Variants in ST3GAL4 observed in about 807,000 individuals in gnomAD.
ST3GAL4 encodes the protein CMP-N-acetylneuraminate-beta-galactosamide-alpha-2,3-sialyltransferase 4.
A neutral mutation model predicts 42.6 loss-of-function variants in ST3GAL4; 24 were observed. The ratio of observed to expected loss-of-function variants is 0.56; its 90% CI spans 0.41 to 0.79. The LOEUF (loss-of-function observed/expected upper bound fraction) is 0.79, where lower values mean the gene tolerates loss of function less well. Ranked by LOEUF, ST3GAL4 falls within the 30% of genes least tolerant of loss-of-function variation. The probability of loss-of-function intolerance (pLI) is 0.00; values close to 1 mark genes in which losing one functional copy is unlikely to be tolerated. For synonymous variants in ST3GAL4, 135 were observed against 163.2 expected, an observed-to-expected ratio of 0.83 and a Z score of 1.32; for missense variants, 311 against 430.8, an observed-to-expected ratio of 0.72 and a Z score of 2.46.
At position 126,408,709 on chromosome 11, in the gene ST3GAL4, G is replaced by A. The variant is rs1284705465; in HGVS notation, c.627+213G>A. The A allele has an allele frequency of 1.8e-5, 11 of 599,208 alleles. 1 individual carries two copies. The highest frequency in any genetic ancestry group is 4.4e-4 in the Middle Eastern group (1 of 2,270). 37.1% of individuals were successfully genotyped at this position (599,208 alleles called of 1,614,324 possible). A position where few individuals can be genotyped will look rare whatever the true frequency, so the allele number is the denominator to read the frequency against. ...CAACTGGGTATAAAAGCCTGCAGGC[G>A]TCAGGTGGCAGCAGCCACAGGCACC... On this transcript the variant is annotated intron_variant, in intron 8 of 10. Coordinates refer to ENST00000444328, the MANE Select transcript of ST3GAL4 (RefSeq NM_001254757.2).
intron 1 of ST3GAL4, chr11:126,358,538 C>T (rs1169559385): frequency 2.2e-6 from 1 of 449,192 alleles, no homozygotes; most frequent in East Asian, 7.1e-5. Flanking sequence ...CTTTATTCTA[C>T]AGACTGAGGA....
In ST3GAL4 at chr11:126,414,155, C is replaced by A. The variant is rs560661333; in HGVS notation, c.*108C>A. 2 of 1,086,456 alleles carry A rather than the reference C, an allele frequency of 1.8e-6. No homozygotes were observed. The highest frequency in any genetic ancestry group is 3.7e-5 in the Admixed American group (2 of 54,568). 67.3% of individuals were successfully genotyped at this position (1,086,456 alleles called of 1,614,324 possible). ...CAGTATGACCCACTTGGACTCACCCCCTCTTGGGGAGGGAGTTCTGGGCCT... is the reference window on the plus strand; with the variant it reads ...CAGTATGACCCACTTGGACTCACCCACTCTTGGGGAGGGAGTTCTGGGCCT... On this transcript the variant is annotated 3_prime_UTR_variant, in exon 11 of 11. Coordinates refer to ENST00000444328, the MANE Select transcript of ST3GAL4 (RefSeq NM_001254757.2).
rs1954412443 is a variant in ST3GAL4, at chr11:126,409,298, C to A, written c.658C>A (p.Leu220Ile). The change falls in exon 9 of 11, where the codon CTC (leucine) becomes ATC (isoleucine). Residue 220 changes from leucine (L) to isoleucine (I), a missense_variant. Physicochemically the swap from Leu to Ile is conservative, Grantham distance 5. Coordinates refer to ENST00000444328, the MANE Select transcript of ST3GAL4 (RefSeq NM_001254757.2). The surrounding 1 kb of genome is among the most constrained non-coding windows in gnomAD (Gnocchi z 4.9). ...AAAGGGTTTCTGGAAACAGCCTCCC[C>A]TCATCTGGGATGTCAATCCTAAACA... ...VRKGFWKQPP[L>I]IWDVNPKQIR... is the part of the protein sequence containing the mutation. 2 of 1,614,138 alleles carry A rather than the reference C, an allele frequency of 1.2e-6. No individual in the cohort carries two copies. The highest frequency in any genetic ancestry group is 1.7e-5 in the Admixed American group (1 of 60,008).
At chr11:126,377,396 C>T (rs1279128510) in intron 1 of ST3GAL4, among the ~76,000 whole-genome samples, 2 of 151,734 alleles carry the variant, frequency 1.3e-5, no homozygotes, top group African/African-American at 2.4e-5. Flanking sequence ...GTCTTGAACT[C>T]CTGACCTCAG....
At chr11:126,364,052 G>A (rs1195685735) in intron 1 of ST3GAL4, among the ~76,000 whole-genome samples, 2 of 152,260 alleles carry the variant, frequency 1.3e-5, no homozygotes, top group Admixed American at 1.3e-4. Flanking sequence ...CGGCCCTGGG[G>A]CAAGTGTTTG....
At chr11:126,408,061 G>A in intron 6 of ST3GAL4, 38 bp from the exon 7 acceptor site, 1 of 1,605,588 alleles carries the variant, frequency 6.2e-7, no homozygotes, top group Non-Finnish European at 8.5e-7. Flanking sequence ...CTGGGTTAGA[G>A]TGTGGGGTGA....
In ST3GAL4 at chr11:126,400,707, G is replaced by A. The variant is rs1395700956; in HGVS notation, c.-60-5389G>A. Among the ~76,000 whole-genome samples the A allele has an allele frequency of 6.6e-6, 1 of 152,186 alleles. No homozygotes were observed. Among genetic ancestry groups the A allele is most frequent in the South Asian group, 2.1e-4 (1 of 4,834 alleles). ...TGGCAGTTTCGAAGAAGGGGCATGA[G>A]TGAGGAAACAGTTGTGGTGAAGAGA... is the stretch of plus-strand genomic sequence containing the variant. On this transcript the variant is annotated intron_variant, in intron 1 of 10. Transcript: ENST00000444328. The surrounding 1 kb of genome is among the most constrained non-coding windows in gnomAD (Gnocchi z 4.6).
rs960773991 is a variant in ST3GAL4 at position 126,386,071 on chromosome 11, C to T, written c.-60-20025C>T. On this transcript the variant is annotated intron_variant, in intron 1 of 10. Coordinates refer to ENST00000444328, the MANE Select transcript of ST3GAL4 (RefSeq NM_001254757.2). This position sits in a 1 kb window ranked among gnomAD's most constrained non-coding sequence, Gnocchi z 4.7. Reference sequence around the variant, plus strand: ...AGCTCAGAGTCTTGGGCACTTCTCTCAGTCTGGAACCTTCTCTTGCCTACC... The same window carrying T: ...AGCTCAGAGTCTTGGGCACTTCTCTTAGTCTGGAACCTTCTCTTGCCTACC... Among the ~76,000 whole-genome samples the T allele has an allele frequency of 1.3e-5, 2 of 152,174 alleles. No homozygotes were observed. The highest frequency in any genetic ancestry group is 4.8e-5 in the African/African-American group (2 of 41,434).
At chr11:126,387,493 C>T (rs768009151) in intron 1 of ST3GAL4, among the ~76,000 whole-genome samples, 9 of 151,972 alleles carry the variant, frequency 5.9e-5, no homozygotes, top group East Asian at 1.9e-4. Context: ...GCCTGTTCAA[C>T]GTGGTGAGAC....
chr11:126,364,099 C>T (rs1240850316), intron 1 of ST3GAL4, among the ~76,000 whole-genome samples: 1 of 152,234 alleles, frequency 6.6e-6, no homozygotes, highest in South Asian at 2.1e-4. Context: ...GCAGGGGCTC[C>T]CTGCCCGGAG....
chr11:126,365,858 G>A (rs1027737592), intron 1 of ST3GAL4, among the ~76,000 whole-genome samples: 2 of 152,164 alleles, frequency 1.3e-5, no homozygotes, highest in African/African-American at 2.4e-5. Flanking sequence ...TTGTGTGGGC[G>A]CCGGGCCAGG....
In ST3GAL4 at chr11:126,376,570, A is replaced by C. The variant is rs529475986; in HGVS notation, c.-61+20728A>C. On this transcript the variant is annotated intron_variant, in intron 1 of 10. Coordinates refer to ENST00000444328, the MANE Select transcript of ST3GAL4 (RefSeq NM_001254757.2). The surrounding 1 kb of genome is among the most constrained non-coding windows in gnomAD (Gnocchi z 5.1). ...GTGTCAAACAGAAGCATTTACCATA[A>C]ATAACCCCAGTTAAGATTTGATTAT... 1.7e-3 allele frequency among the ~76,000 whole-genome samples: 258 copies of C among 152,336 alleles called. No homozygotes were observed. Among genetic ancestry groups the C allele is most frequent in the Non-Finnish European group, 3.1e-3 (211 of 68,030 alleles).
intron 10 of ST3GAL4, 53 bp downstream of exon 10, chr11:126,413,701 T>C: frequency 6.2e-7 from 1 of 1,605,314 alleles, no homozygotes; most frequent in African/African-American, 1.3e-5. Context: ...GGGCAGACAG[T>C]CAGAGGGGCA....
chr11:126,362,661 C>T (rs1952285983), intron 1 of ST3GAL4, among the ~76,000 whole-genome samples: 1 of 152,122 alleles, frequency 6.6e-6, no homozygotes, highest in Non-Finnish European at 1.5e-5. Context: ...GGGCAGGTGG[C>T]TCACTAGGAG....
chr11:126,360,973 T>C (rs1952223222), intron 1 of ST3GAL4, among the ~76,000 whole-genome samples: 1 of 152,248 alleles, frequency 6.6e-6, no homozygotes, highest in Non-Finnish European at 1.5e-5. Context: ...TGGGGGTCTC[T>C]GTTCAGACCT....
intron 1 of ST3GAL4, chr11:126,403,323 A>ACTGGTTAG (rs1478940276): frequency 1.1e-6 from 1 of 929,640 alleles, no homozygotes; most frequent in East Asian, 1.2e-4. Context: ...GTTGTTCAAG[A>ACTGGTTAG]CTGGTTAGCG....
chr11:126,364,694 C>T (rs1952365123), intron 1 of ST3GAL4, among the ~76,000 whole-genome samples: 1 of 149,220 alleles, frequency 6.7e-6, no homozygotes, highest in African/African-American at 2.5e-5. Context: ...TCCAGAATCC[C>T]TCTGACCACT....
At chr11:126,364,045 C>T (rs1439445576) in intron 1 of ST3GAL4, among the ~76,000 whole-genome samples, 2 of 152,266 alleles carry the variant, frequency 1.3e-5, no homozygotes, top group African/African-American at 4.8e-5. Context: ...TGCCTGGCGG[C>T]CCTGGGGCAA....
In ST3GAL4 at chr11:126,406,422, G is replaced by C. The variant is rs775422823; in HGVS notation, c.17-51G>C. The C allele has an allele frequency of 1.9e-6, 3 of 1,613,562 alleles. No homozygotes were observed. Among genetic ancestry groups the C allele is most frequent in the Non-Finnish European group, 1.7e-6 (2 of 1,179,862 alleles). The stretch of plus-strand genomic sequence containing the variant: ...GGGGCAGGTGGGAAGGTGGACGGGG[G>C]TTGTACCTGCCTGTTGCTGCCTCTA... On this transcript the variant is annotated intron_variant, in intron 2 of 10. Coordinates refer to ENST00000444328, the MANE Select transcript of ST3GAL4 (RefSeq NM_001254757.2). This position sits in a 1 kb window ranked among gnomAD's most constrained non-coding sequence, Gnocchi z 5.4.
Sources: allele counts gnomAD v4.1 joint callset (sites outside exome capture counted in the v4.1 genomes callset), GRCh38; gene constraint gnomAD v4.1.1; non-coding constraint Gnocchi (gnomAD v3.1); transcripts MANE v1.5; gene names NCBI Gene and HGNC (gene_info 2026-07-23, HGNC 2026-07-21).